The following SSH2 variants were observed in gnomAD, a reference collection of about 807,000 sequenced individuals.
SSH2 encodes slingshot protein phosphatase 2, also known as protein phosphatase Slingshot homolog 2.
SSH2 carries 37 observed loss-of-function variants against 135.2 expected under a neutral mutation model. The observed-to-expected ratio is 0.27, with a 90% CI of 0.21 to 0.36. SSH2 has a LOEUF of 0.36. Among genes scored for constraint, SSH2 ranks in the 10% least tolerant of loss-of-function variants. SSH2 has a pLI of 1.00. For missense variants in SSH2, 1,408 were observed against 1,765.3 expected (o/e 0.80, Z 3.63); for synonymous variants, 628 against 646.2 (o/e 0.97, Z 0.43).
chr17:29,880,506 T>A (rs1009758918), intron 1 of SSH2, among the ~76,000 whole-genome samples: 9 of 152,208 alleles, frequency 5.9e-5, no homozygotes, highest in Non-Finnish European at 1.0e-4. Flanking sequence ...CCTGTAGAAC[T>A]GTTCTGTATA....
chr17:29,912,842 C>G (rs1277084652), intron 1 of SSH2, among the ~76,000 whole-genome samples: 1 of 152,144 alleles, frequency 6.6e-6, no homozygotes, highest in Non-Finnish European at 1.5e-5. Flanking sequence ...TACACAGAGT[C>G]ACACTGGCAG....
intron 1 of SSH2, among the ~76,000 whole-genome samples, chr17:29,887,261 C>G (rs1392532977): frequency 6.6e-6 from 1 of 152,082 alleles, no homozygotes; most frequent in African/African-American, 2.4e-5. Flanking sequence ...TTGGAGCAGG[C>G]ATAGAAATTT....
At chr17:29,781,473 C>CTTTTTTTTTTT (rs541361010) in intron 3 of SSH2, among the ~76,000 whole-genome samples, 9 of 81,838 alleles carry the variant, frequency 1.1e-4, no homozygotes, top group Non-Finnish European at 1.9e-4. Flanking sequence ...CCTGTGTTTT[C>CTTTTTTTTTTT]TTTTTTTTTT....
chr17:29,678,012 T>A (rs1240643116), intron 6 of SSH2, among the ~76,000 whole-genome samples: 2 of 152,086 alleles, frequency 1.3e-5, no homozygotes, highest in East Asian at 3.8e-4. Flanking sequence ...ATGGCCACTA[T>A]CTAAAAAATG....
chr17:29,788,974 G>A (rs995683888), intron 3 of SSH2, among the ~76,000 whole-genome samples: 2 of 152,192 alleles, frequency 1.3e-5, no homozygotes, highest in African/African-American at 4.8e-5. Flanking sequence ...CCTTTCTGAC[G>A]AAGGCTCAGA....
intron 1 of SSH2, among the ~76,000 whole-genome samples, chr17:29,899,057 A>G (rs370500262): frequency 0.22 from 32,881 of 152,102 alleles, 4,320 homozygotes; most frequent in Non-Finnish European, 0.29. Flanking sequence ...GATGCAGAAA[A>G]GGCCTTTGAC....
At chr17:29,752,903 G>C (rs538906560) in intron 3 of SSH2, among the ~76,000 whole-genome samples, 62 of 151,418 alleles carry the variant, frequency 4.1e-4, no homozygotes, top group Non-Finnish European at 6.9e-4. Flanking sequence ...ATAGCAATAA[G>C]GGGAATTGTA....
intron 8 of SSH2, among the ~76,000 whole-genome samples, chr17:29,674,637 C>T (rs754252006): frequency 5.3e-5 from 8 of 152,114 alleles, no homozygotes; most frequent in Non-Finnish European, 1.0e-4. Context: ...TAAGGTATAT[C>T]AAGAAAAGTT....
intron 11 of SSH2, among the ~76,000 whole-genome samples, chr17:29,665,645 G>C (rs567954658): frequency 6.6e-6 from 1 of 152,318 alleles, no homozygotes; most frequent in Non-Finnish European, 1.5e-5. Flanking sequence ...TTTGGTGAAA[G>C]TGTGTGGGAA....
intron 4 of SSH2, among the ~76,000 whole-genome samples, chr17:29,701,763 G>A (rs887082394): frequency 1.2e-4 from 18 of 151,692 alleles, no homozygotes; most frequent in East Asian, 3.9e-4. Flanking sequence ...TAGAGACAGC[G>A]TTTCACCATG....
At chr17:29,898,194 C>T (rs1329499532) in intron 1 of SSH2, among the ~76,000 whole-genome samples, 1 of 152,054 alleles carries the variant, frequency 6.6e-6, no homozygotes, top group Admixed American at 6.6e-5. Flanking sequence ...CTAAAATTGA[C>T]ACCCTAACAT....
chr17:29,802,378 A>G (rs954837607), intron 2 of SSH2, among the ~76,000 whole-genome samples: 2 of 152,200 alleles, frequency 1.3e-5, no homozygotes, highest in Non-Finnish European at 2.9e-5. Context: ...GGACATACAA[A>G]ATGTTATAGA....
At chr17:29,665,202 T>C (rs2037220948) in intron 11 of SSH2, among the ~76,000 whole-genome samples, 1 of 152,180 alleles carries the variant, frequency 6.6e-6, no homozygotes, top group African/African-American at 2.4e-5. Context: ...TGGAAGTATA[T>C]GTAAGAGACA....
intron 11 of SSH2, among the ~76,000 whole-genome samples, chr17:29,658,705 T>C (rs1046049608): frequency 6.6e-6 from 1 of 151,756 alleles, no homozygotes; most frequent in Non-Finnish European, 1.5e-5. Flanking sequence ...CCGTCTCTAC[T>C]AAAAATACAA....
At chr17:29,851,602 T>A (rs936279730) in intron 1 of SSH2, among the ~76,000 whole-genome samples, 23 of 150,924 alleles carry the variant, frequency 1.5e-4, no homozygotes, top group African/African-American at 4.6e-4. Context: ...TCAAAAAAAA[T>A]TAATAATAAT....
chr17:29,747,999 G>A (rs1435785108), intron 3 of SSH2, among the ~76,000 whole-genome samples: 1 of 152,098 alleles, frequency 6.6e-6, no homozygotes, highest in Non-Finnish European at 1.5e-5. Context: ...ATATAGGTGA[G>A]CACAAAGGCA....
At chr17:29,738,959 T>TA (rs1567933794) in intron 3 of SSH2, among the ~76,000 whole-genome samples, 3 of 152,248 alleles carry the variant, frequency 2.0e-5, no homozygotes, top group Non-Finnish European at 4.4e-5. Flanking sequence ...AAAACACTTT[T>TA]AAAACTATAA....
intron 3 of SSH2, among the ~76,000 whole-genome samples, chr17:29,742,481 G>GTTTTTTTTTT (rs35446491): frequency 1.1e-5 from 1 of 90,652 alleles, no homozygotes. Flanking sequence ...ACCACACCCA[G>GTTTTTTTTTT]TTTTTTTTTT....
At chr17:29,922,366 T>C (rs2066990367) in intron 1 of SSH2, among the ~76,000 whole-genome samples, 1 of 147,128 alleles carries the variant, frequency 6.8e-6, no homozygotes, top group Non-Finnish European at 1.5e-5. Flanking sequence ...TTAATATTTG[T>C]AATACATCGA....
Sources: gnomAD v4.1 joint callset for allele counts (sites outside exome capture counted in the v4.1 genomes callset) on GRCh38, gnomAD v4.1.1 for gene constraint, MANE v1.5 for transcripts, NCBI Gene and HGNC (gene_info 2026-07-23, HGNC 2026-07-21) for gene names.